FLNB: variants seen among roughly 807,000 people sequenced by gnomAD.
The protein encoded by FLNB is filamin B, also known as filamin-B.
Under a neutral mutation model 250.6 loss-of-function variants are expected in FLNB, and 111 were observed. The observed-to-expected ratio is 0.44, with a 90% confidence interval of 0.38 to 0.52. The LOEUF is 0.52. Ranked by LOEUF, FLNB falls within the 20% of genes least tolerant of loss-of-function variation. The pLI is 0.00. For synonymous variants in FLNB, 1,302 were observed against 1,372.1 expected (o/e 0.95, Z 1.13); for missense variants, 2,869 against 3,447.8 (o/e 0.83, Z 4.20).
At chr3:58,157,602 C>T (rs546952772) in intron 41 of FLNB, among the ~76,000 whole-genome samples, 3 of 152,304 alleles carry the variant, frequency 2.0e-5, no homozygotes, top group Admixed American at 2.0e-4. Context: ...GGCTTCTTAA[C>T]AGAAGTGTCT....
intron 27 of FLNB, among the ~76,000 whole-genome samples, chr3:58,135,010 C>T (rs2097313668): frequency 6.6e-6 from 1 of 152,014 alleles, no homozygotes; most frequent in African/African-American, 2.4e-5. Flanking sequence ...TACATCTATT[C>T]CTATGTTTTT....
Position 58,121,319 on chromosome 3 carries a change from T to C in FLNB, c.2942T>C (p.Ile981Thr). The part of the protein sequence containing the change: ...AGGQGKLDVT[I>T]LSPSRKVVPC... ...GGCCAGGGGAAGCTGGACGTGACAA[T>C]CCTCAGCCCCTCTCGGAAGGTCGTG... The change falls in exon 20 of 46, where the codon ATC (isoleucine) becomes ACC (threonine). Residue 981 changes from isoleucine to threonine, a missense_variant. Ile to Thr is a moderately conservative substitution (Grantham distance 89). Around this residue, in one of 5 missense-constraint regions of FLNB, gnomAD observed 1,348 missense variants for 1,466.7 expected, o/e 0.92. Transcript: ENST00000295956. The C allele has an allele frequency of 6.2e-7, 1 of 1,613,964 alleles. No individual in the cohort carries two copies. Among genetic ancestry groups the C allele is most frequent in the African/African-American group, 1.3e-5 (1 of 74,938 alleles).
rs566425513 is a variant in FLNB at position 58,015,069 on chromosome 3, A to G, written c.292+6213A>G. Reference sequence around the variant, plus strand: ...TTCCAGGTAGCATATCCTAGGCAAAACTGGATGTAGCCTAGTGATTCAGGG... The same window carrying G: ...TTCCAGGTAGCATATCCTAGGCAAAGCTGGATGTAGCCTAGTGATTCAGGG... On this transcript the variant is annotated intron_variant, in intron 1 of 45. Transcript: ENST00000295956. Among the ~76,000 whole-genome samples the G allele has an allele frequency of 1.1e-4, 16 of 152,244 alleles. 2 individuals are homozygous for G. The South Asian group carries it at 3.1e-3, about 30-fold the overall frequency.
Position 58,109,244 on chromosome 3 carries a change from A to T in FLNB, c.2121A>T (p.Ser707=), listed in dbSNP as rs368288478. The change falls in exon 14 of 46, where the codon TCA becomes TCT. Residue 707 remains serine (S), a synonymous_variant. Coordinates refer to ENST00000295956, the MANE Select transcript of FLNB (RefSeq NM_001457.4). ...KNRMDGTYAC[S]YTPVKAIKHT... ...GGATGGACGGCACATATGCATGCTC[A>T]TACACCCCGGTGAAGGCCATCAAGC... 28 of 1,614,100 alleles carry T rather than the reference A, an allele frequency of 1.7e-5. No individual in the cohort carries two copies. The African/African-American group carries it at 3.2e-4, about 18-fold the overall frequency.
At chr3:58,019,320 C>T (rs1035284805) in intron 1 of FLNB, among the ~76,000 whole-genome samples, 21 of 152,180 alleles carry the variant, frequency 1.4e-4, no homozygotes, top group Non-Finnish European at 2.6e-4. Context: ...CTGTCTGTCC[C>T]CTCTTTTGCT....
intron 18 of FLNB, among the ~76,000 whole-genome samples, chr3:58,118,124 A>G (rs2097282074): frequency 6.6e-6 from 1 of 152,212 alleles, no homozygotes; most frequent in Non-Finnish European, 1.5e-5. Flanking sequence ...CGGCGAGAGG[A>G]GAGAAATGGC....
At chr3:58,054,949 C>T (rs1445946575) in intron 1 of FLNB, among the ~76,000 whole-genome samples, 1 of 152,148 alleles carries the variant, frequency 6.6e-6, no homozygotes, top group Non-Finnish European at 1.5e-5. Context: ...TGCAAAGAGA[C>T]TGTGTGGCCC....
intron 18 of FLNB, among the ~76,000 whole-genome samples, chr3:58,118,117 C>T (rs978031887): frequency 6.6e-6 from 1 of 152,206 alleles, no homozygotes; most frequent in African/African-American, 2.4e-5. Flanking sequence ...CTGGAACCGG[C>T]GAGAGGAGAG....
intron 1 of FLNB, among the ~76,000 whole-genome samples, chr3:58,039,870 T>C (rs1718482): frequency 0.039 from 5,879 of 151,986 alleles, 350 homozygotes; most frequent in African/African-American, 0.13. Context: ...CAGGGCAGGG[T>C]GTGGTGGCTC....
chr3:58,130,727 A>C lies in FLNB; in HGVS notation c.4223-14A>C. 6.2e-7 allele frequency: 1 copy of C among 1,610,384 alleles called. No homozygotes were observed. The highest frequency in any genetic ancestry group is 8.5e-7 in the Non-Finnish European group (1 of 1,178,274). Reference sequence around the variant, plus strand: ...TCCCAGCTTGTGCTCAGAATCCCACAACCTCTCTTCCAGGCAGCCCCTTCA... The same window carrying C: ...TCCCAGCTTGTGCTCAGAATCCCACCACCTCTCTTCCAGGCAGCCCCTTCA... On this transcript the variant is annotated splice_polypyrimidine_tract_variant and intron_variant, in intron 24 of 45. Coordinates refer to ENST00000295956, the MANE Select transcript of FLNB (RefSeq NM_001457.4).
Position 58,142,449 on chromosome 3 carries a change from G to A in FLNB, c.5182-201G>A, listed in dbSNP as rs560735506. Among the ~76,000 whole-genome samples the A allele has an allele frequency of 3.9e-5, 6 of 152,270 alleles. No homozygotes were observed. The highest frequency in any genetic ancestry group is 1.4e-4 in the African/African-American group (6 of 41,546). On this transcript the variant is annotated intron_variant, in intron 30 of 45. Coordinates refer to ENST00000295956, the MANE Select transcript of FLNB (RefSeq NM_001457.4). This position sits in a 1 kb window ranked among gnomAD's most constrained non-coding sequence, Gnocchi z 4.3. ...GACTCCCGAGTGATTGCTAACAGTT[G>A]GTCAGCATGACCTCTCCAGTCCCTC...
chr3:58,076,926 C>A lies in FLNB; in HGVS notation c.293-120C>A. ...CAAATTTCAGCATTACATCATTTCA[C>A]TCTTAAATATCTCAGTATGGTTCTC... On this transcript the variant is annotated intron_variant, in intron 1 of 45. Coordinates refer to ENST00000295956, the MANE Select transcript of FLNB (RefSeq NM_001457.4). 3 of 1,194,290 alleles carry A rather than the reference C, an allele frequency of 2.5e-6. No individual in the cohort carries two copies. The Admixed American group carries it at 5.3e-5, about 21-fold the overall frequency. 74.0% of individuals were successfully genotyped at this position (1,194,290 alleles called of 1,614,324 possible).
chr3:58,126,507 A>G, intron 23 of FLNB, 95 bp from the exon 24 acceptor site: 1 of 1,212,802 alleles, frequency 8.2e-7, no homozygotes, highest in Non-Finnish European at 1.2e-6. Flanking sequence ...GGCTACGTGG[A>G]ATAGTTTATA....
chr3:58,098,789 A>G lies in FLNB; in HGVS notation c.1226A>G (p.Lys409Arg), dbSNP rs781617769. 7 of 1,614,146 alleles carry G rather than the reference A, an allele frequency of 4.3e-6. No individual in the cohort carries two copies. The highest frequency in any genetic ancestry group is 5.1e-6 in the Non-Finnish European group (6 of 1,180,042). ...KNTVELLVEDKGNQVYRCVYK... is the reference protein window; with the variant it reads ...KNTVELLVEDRGNQVYRCVYK... Reference sequence around the variant, plus strand: ...ACCGTGGAGTTGCTCGTGGAAGACAAAGGAAACCAGGTGTATCGATGTGTG... The same window carrying G: ...ACCGTGGAGTTGCTCGTGGAAGACAGAGGAAACCAGGTGTATCGATGTGTG... Residue 409 changes from lysine (K) to arginine (R), a missense_variant, in exon 8 of 46, where the codon AAA becomes AGA. Lys to Arg is a conservative substitution (Grantham distance 26, BLOSUM62 2). Transcript: ENST00000295956.
chr3:58,036,166 G>C (rs778685870), intron 1 of FLNB, among the ~76,000 whole-genome samples: 48 of 152,284 alleles, frequency 3.2e-4, no homozygotes, highest in Non-Finnish European at 2.8e-4. Flanking sequence ...TATTCTGACT[G>C]TGCTCTTCGT....
At chr3:58,088,029 G>A (rs903148262) in intron 4 of FLNB, among the ~76,000 whole-genome samples, 1 of 143,082 alleles carries the variant, frequency 7.0e-6, no homozygotes, top group African/African-American at 2.6e-5. Context: ...GTGAACCACG[G>A]CGCCCAGCCT....
chr3:58,067,785 G>T (rs1309966985), intron 1 of FLNB, among the ~76,000 whole-genome samples: 1 of 151,946 alleles, frequency 6.6e-6, no homozygotes, highest in Non-Finnish European at 1.5e-5. Context: ...TTTTAATAGA[G>T]ACGGGGTGTC....
intron 1 of FLNB, among the ~76,000 whole-genome samples, chr3:58,038,897 A>G (rs961437108): frequency 2.0e-5 from 3 of 152,140 alleles, no homozygotes; most frequent in Admixed American, 6.6e-5. Context: ...ATGTGGTACT[A>G]TAATCCCAAC....
chr3:58,019,522 C>G (rs2097110658), intron 1 of FLNB, among the ~76,000 whole-genome samples: 1 of 152,226 alleles, frequency 6.6e-6, no homozygotes, highest in Non-Finnish European at 1.5e-5. Context: ...AGGCTCAGCT[C>G]TGCCTCACTT....
Sources: gnomAD v4.1 joint callset for allele counts (sites outside exome capture counted in the v4.1 genomes callset) on GRCh38, gnomAD v4.1.1 for gene constraint, gnomAD v4.1.1 regional missense constraint, Gnocchi (gnomAD v3.1) non-coding constraint, MANE v1.5 for transcripts, NCBI Gene and HGNC (gene_info 2026-07-23, HGNC 2026-07-21) for gene names.